The following KLHL29 variants were observed in gnomAD, a reference collection of about 807,000 sequenced individuals.
The protein encoded by KLHL29 is kelch-like protein 29.
In KLHL29, 21 loss-of-function variants were observed where a neutral mutation model predicts 80.4. That is an observed-to-expected ratio of 0.26 (90% confidence interval 0.19 to 0.38). The LOEUF (loss-of-function observed/expected upper bound fraction) is 0.38, where lower values mean the gene tolerates loss of function less well. Among genes scored for constraint, KLHL29 ranks in the 10% least tolerant of loss-of-function variants. KLHL29 has a pLI of 1.00. For missense variants in KLHL29, 867 were observed against 1,223.9 expected, an observed-to-expected ratio of 0.71 and a Z score of 4.35; for synonymous variants, 511 against 526.8, an observed-to-expected ratio of 0.97 and a Z score of 0.41.
chr2:23,654,784 C>T (rs944493605), intron 5 of KLHL29, among the ~76,000 whole-genome samples: 5 of 151,492 alleles, frequency 3.3e-5, no homozygotes, highest in Non-Finnish European at 7.4e-5. Flanking sequence ...TTGCATCTGC[C>T]CTGAGAGGCA....
At chr2:23,439,289 G>T (rs932976773) in intron 1 of KLHL29, among the ~76,000 whole-genome samples, 3 of 151,808 alleles carry the variant, frequency 2.0e-5, no homozygotes, top group South Asian at 2.1e-4. Context: ...TTTTTGAAGG[G>T]TTTTTTTTGT....
intron 3 of KLHL29, among the ~76,000 whole-genome samples, chr2:23,635,777 A>G (rs1178116137): frequency 6.6e-6 from 1 of 152,212 alleles, no homozygotes; most frequent in Non-Finnish European, 1.5e-5. Context: ...GCCAAGTGCC[A>G]TCATGTCACT....
intron 3 of KLHL29, among the ~76,000 whole-genome samples, chr2:23,614,955 A>T (rs926729004): frequency 1.3e-5 from 2 of 152,200 alleles, no homozygotes; most frequent in South Asian, 4.1e-4. Flanking sequence ...CTGCAGCCCC[A>T]GGTCAGCTCC....
chr2:23,654,698 G>GT (rs1553350619), intron 5 of KLHL29, among the ~76,000 whole-genome samples: 10 of 98,632 alleles, frequency 1.0e-4, no homozygotes, highest in East Asian at 6.6e-4. Context: ...ACAGAGGTTG[G>GT]GGGGGGGGGG....
chr2:23,673,736 C>T (rs1434451396), intron 5 of KLHL29, among the ~76,000 whole-genome samples: 8 of 151,684 alleles, frequency 5.3e-5, no homozygotes, highest in African/African-American at 2.4e-5. Flanking sequence ...GGCACATACA[C>T]AGGGGTGCAT....
chr2:23,566,524 G>C (rs1256752422), intron 3 of KLHL29, among the ~76,000 whole-genome samples: 4 of 152,238 alleles, frequency 2.6e-5, no homozygotes, highest in Non-Finnish European at 5.9e-5. Flanking sequence ...CCACCCAGCT[G>C]ATAGCAAGCA....
chr2:23,599,710 A>G (rs17045677), intron 3 of KLHL29, among the ~76,000 whole-genome samples: 30,084 of 152,150 alleles, frequency 0.2, 3,880 homozygotes, highest in East Asian at 0.59. Flanking sequence ...AATAGCATGC[A>G]TAATTTTTTT....
At chr2:23,391,733 C>G (rs529842116) in intron 1 of KLHL29, among the ~76,000 whole-genome samples, 1 of 152,336 alleles carries the variant, frequency 6.6e-6, no homozygotes, top group South Asian at 2.1e-4. Flanking sequence ...GCCACCGCGC[C>G]CAGCCCTATT....
intron 2 of KLHL29, among the ~76,000 whole-genome samples, chr2:23,494,168 A>G (rs570656676): frequency 6.6e-6 from 1 of 152,364 alleles, no homozygotes; most frequent in Non-Finnish European, 1.5e-5. Context: ...TTAAAGTAAC[A>G]TAAGGTAATA....
intron 1 of KLHL29, among the ~76,000 whole-genome samples, chr2:23,466,109 C>T (rs1456639908): frequency 6.6e-6 from 1 of 152,130 alleles, no homozygotes; most frequent in Non-Finnish European, 1.5e-5. Flanking sequence ...CAGAGAAACG[C>T]CTCCTTCCAA....
chr2:23,407,462 A>G (rs1032321241), intron 1 of KLHL29, among the ~76,000 whole-genome samples: 17 of 151,546 alleles, frequency 1.1e-4, no homozygotes, highest in Non-Finnish European at 2.4e-4. Flanking sequence ...ATTTATATTC[A>G]TCTTTTTTCT....
chr2:23,660,681 G>T (rs1670379572), intron 5 of KLHL29, among the ~76,000 whole-genome samples: 2 of 152,232 alleles, frequency 1.3e-5, no homozygotes, highest in South Asian at 4.1e-4. Context: ...GGCAGTTGGG[G>T]CCCACATGGA....
intron 1 of KLHL29, among the ~76,000 whole-genome samples, chr2:23,466,520 C>T (rs772819074): frequency 1.3e-5 from 2 of 152,212 alleles, no homozygotes; most frequent in South Asian, 2.1e-4. Context: ...TAAATATGAC[C>T]GTGGGAGAGA....
intron 5 of KLHL29, among the ~76,000 whole-genome samples, chr2:23,649,685 C>T (rs1286890123): frequency 3.9e-5 from 6 of 152,224 alleles, no homozygotes; most frequent in Admixed American, 2.0e-4. Flanking sequence ...CTGCTCTGGC[C>T]CCAGTTGTCT....
intron 5 of KLHL29, among the ~76,000 whole-genome samples, chr2:23,651,986 G>A (rs1670099898): frequency 6.6e-6 from 1 of 152,084 alleles, no homozygotes; most frequent in South Asian, 2.1e-4. Context: ...TGGGGATTAG[G>A]GCTTCAACAC....
intron 5 of KLHL29, among the ~76,000 whole-genome samples, chr2:23,648,704 G>GGTC (rs1670006587): frequency 6.6e-6 from 1 of 152,178 alleles, no homozygotes; most frequent in Non-Finnish European, 1.5e-5. Context: ...GTCCTCCATG[G>GGTC]CCACGTCAAT....
chr2:23,694,635 C>T (rs1048054272), intron 8 of KLHL29, among the ~76,000 whole-genome samples: 3 of 152,240 alleles, frequency 2.0e-5, no homozygotes, highest in African/African-American at 7.2e-5. Flanking sequence ...TAAACGCCTC[C>T]TCAACAAAAT....
chr2:23,598,590 C>T (rs138389768), intron 3 of KLHL29, among the ~76,000 whole-genome samples: 151 of 152,328 alleles, frequency 9.9e-4, no homozygotes, highest in Admixed American at 3.7e-3. Context: ...GATCACCCCT[C>T]TCCAAGGACT....
rs2149214741 is a variant in KLHL29 at position 23,696,971 on chromosome 2, G to A, written c.2105+458G>A. 6.5e-6 allele frequency: 1 copy of A among 153,102 alleles called. No individual in the cohort carries two copies. The highest frequency in any genetic ancestry group is 1.9e-4 in the South Asian group (1 of 5,238). The allele number at this position is 153,102 out of a possible 1,614,324, so 9.5% of individuals were successfully genotyped here. A position where few individuals can be genotyped will look rare whatever the true frequency, so the allele number is the denominator to read the frequency against. ...CGGTGCCTCCTTGTCCTGCCAAGCG[G>A]GGGGTCCCACACCAGGGAGCTCCCT... On this transcript the variant is annotated intron_variant, in intron 11 of 13. Coordinates refer to ENST00000486442, the MANE Select transcript of KLHL29 (RefSeq NM_052920.2). This position sits in a 1 kb window ranked among gnomAD's most constrained non-coding sequence, Gnocchi z 5.5.
Sources: allele counts gnomAD v4.1 joint callset (sites outside exome capture counted in the v4.1 genomes callset), GRCh38; gene constraint gnomAD v4.1.1; non-coding constraint Gnocchi (gnomAD v3.1); transcripts MANE v1.5; gene names NCBI Gene and HGNC (gene_info 2026-07-23, HGNC 2026-07-21).